VPS13C: variants seen among roughly 807,000 people sequenced by gnomAD.
The protein encoded by VPS13C is vacuolar protein sorting 13 homolog C.
Under a neutral mutation model 456.8 loss-of-function variants are expected in VPS13C, and 358 were observed. That is an observed-to-expected ratio of 0.78 (90% CI 0.72 to 0.86). The LOEUF (loss-of-function observed/expected upper bound fraction) is 0.86, where lower values mean the gene tolerates loss of function less well. Ranked by LOEUF, VPS13C falls within the 40% of genes least tolerant of loss-of-function variation. The pLI, the probability that VPS13C is intolerant of heterozygous loss-of-function variation, is 0.00. For missense variants in VPS13C, 4,818 were observed against 4,385.4 expected (o/e 1.10, Z -2.79); for synonymous variants, 1,578 against 1,486.7 (o/e 1.06, Z -1.41).
intron 66 of VPS13C, among the ~76,000 whole-genome samples, chr15:61,896,557 G>A (rs1371465946): frequency 3.3e-5 from 5 of 152,206 alleles, no homozygotes; most frequent in East Asian, 1.9e-4. Flanking sequence ...CTTAAAAAAC[G>A]GCGCACCACG....
Position 61,915,964 on chromosome 15 carries a change from C to G in VPS13C, c.8114G>C (p.Arg2705Thr), listed in dbSNP as rs745323325. The G allele has an allele frequency of 1.2e-6, 2 of 1,613,406 alleles. No homozygotes were observed. The highest frequency in any genetic ancestry group is 8.5e-7 in the Non-Finnish European group (1 of 1,179,562). Residue 2705 changes from arginine to threonine, a missense_variant, in exon 61 of 85, where the codon AGA becomes ACA. Arg to Thr is a moderately conservative substitution (Grantham distance 71). Around this residue, in one of 3 missense-constraint regions of VPS13C, gnomAD observed 4,552 missense variants for 4,130.6 expected, o/e 1.10. Transcript: ENST00000644861. ...TAATTCCATTATTTCACCACTGATTCTCGAATGCAGAACATCAGCAGTACT... is the reference window on the plus strand; with the variant it reads ...TAATTCCATTATTTCACCACTGATTGTCGAATGCAGAACATCAGCAGTACT... ...EGSTADVLHS[R>T]ISGEIMELVL... is the part of the protein sequence containing the mutation.
At chr15:61,985,136 C>A in intron 18 of VPS13C, 137 bp from the exon 19 acceptor site, 1 of 603,740 alleles carries the variant, frequency 1.7e-6, no homozygotes, top group Non-Finnish European at 2.5e-6. Flanking sequence ...TCCACATGCT[C>A]ACCATAAAGG....
chr15:61,904,305 T>TAA (rs35637854), intron 66 of VPS13C, among the ~76,000 whole-genome samples: 3,185 of 145,316 alleles, frequency 0.022, 110 homozygotes, highest in African/African-American at 0.075. Context: ...TTGAATTCCT[T>TAA]AAAAAAAAAA....
At chr15:61,907,441 C>T in intron 65 of VPS13C, 51 bp from the exon 66 acceptor site, 5 of 1,592,632 alleles carry the variant, frequency 3.1e-6, no homozygotes, top group Non-Finnish European at 3.4e-6. Flanking sequence ...AGATAAGAAA[C>T]CCAAACCTGT....
intron 28 of VPS13C, 76 bp from the exon 29 acceptor site, chr15:61,967,523 A>T (rs1469736801): frequency 8.4e-7 from 1 of 1,189,610 alleles, no homozygotes; most frequent in African/African-American, 1.6e-5. Context: ...TTAGATTTTT[A>T]AAAATTTGTT....
rs1477192271 is a variant in VPS13C at position 61,911,937 on chromosome 15, G to A, written c.8618C>T (p.Thr2873Ile). Residue 2873 changes from threonine (T) to isoleucine (I), a missense_variant, in exon 63 of 85, where the codon ACC (threonine) becomes ATC (isoleucine). Physicochemically the swap from Thr to Ile is moderately conservative, Grantham distance 89. Coordinates refer to ENST00000644861, the MANE Select transcript of VPS13C (RefSeq NM_020821.3). ...SRIVTLTPFC[T>I]IANKSSLELE... ...TTCTAATGATGACTTGTTTGCAATG[G>A]TACAAAAGGGAGTCAGGGTAACTAT... 7.4e-6 allele frequency: 12 copies of A among 1,612,542 alleles called. No individual in the cohort carries two copies. The highest frequency in any genetic ancestry group is 2.7e-5 in the African/African-American group (2 of 74,876).
At chr15:62,041,914 T>G (rs755287214) in intron 2 of VPS13C, among the ~76,000 whole-genome samples, 1 of 152,074 alleles carries the variant, frequency 6.6e-6, no homozygotes, top group African/African-American at 2.4e-5. Context: ...AGTTTGTAAA[T>G]AGCCAGGTAA....
chr15:62,000,379 A>G (rs1281052893), intron 16 of VPS13C, among the ~76,000 whole-genome samples, 185 bp downstream of exon 16: 1 of 152,076 alleles, frequency 6.6e-6, no homozygotes, highest in African/African-American at 2.4e-5. Context: ...AAAAATAATA[A>G]TAAAAATAAG....
chr15:61,947,063 T>C, intron 43 of VPS13C, 130 bp downstream of exon 43: 2 of 592,516 alleles, frequency 3.4e-6, no homozygotes, highest in Non-Finnish European at 5.8e-6. Context: ...AGCACATCTT[T>C]GAAAAGTTTG....
At chr15:61,972,504 G>A (rs1186623977) in intron 27 of VPS13C, 121 bp downstream of exon 27, 1 of 981,196 alleles carries the variant, frequency 1.0e-6, no homozygotes, top group Non-Finnish European at 1.5e-6. Context: ...ATGTGTGTTG[G>A]GCAGCAGGAA....
rs1271337986 is a variant in VPS13C at position 61,898,523 on chromosome 15, C to T, written c.9106-8123G>A. On this transcript the variant is annotated intron_variant, in intron 66 of 84. Transcript: ENST00000644861. Reference sequence around the variant, plus strand: ...GACAAAGAAGGCCATTACATAATGGCAAAGGGATCAATTCAACAAGAAGAG... The same window carrying T: ...GACAAAGAAGGCCATTACATAATGGTAAAGGGATCAATTCAACAAGAAGAG... Among the ~76,000 whole-genome samples, 13 of 152,044 alleles carry T rather than the reference C, an allele frequency of 8.6e-5. No homozygotes were observed. The East Asian group carries it at 9.7e-4, about 11-fold the overall frequency.
intron 6 of VPS13C, among the ~76,000 whole-genome samples, chr15:62,026,509 C>T (rs1427798938): frequency 6.6e-6 from 1 of 152,050 alleles, no homozygotes; most frequent in East Asian, 1.9e-4. Flanking sequence ...AATTTTATCA[C>T]TGACAACAAA....
intron 24 of VPS13C, among the ~76,000 whole-genome samples, chr15:61,976,535 G>C (rs1301614114): frequency 1.3e-5 from 2 of 151,962 alleles, no homozygotes; most frequent in Non-Finnish European, 2.9e-5. Context: ...GGGGAACAAG[G>C]ACACTTTTGG....
rs373285625 is a variant in VPS13C, at chr15:61,991,695, G to A, written c.1461C>T (p.Asp487=). Residue 487 remains aspartate (D), a synonymous_variant, in exon 17 of 85, where the codon GAC becomes GAT. Coordinates refer to ENST00000644861, the MANE Select transcript of VPS13C (RefSeq NM_020821.3). ...LWGKKESKKK[D]EESLIPETID... ...TACTTTCAGGAATCAATGATTCTTC[G>A]TCCTTTTTCTTAGACTCTTTCTTAC... 9 of 1,610,628 alleles carry A rather than the reference G, an allele frequency of 5.6e-6. No individual in the cohort carries two copies. The highest frequency in any genetic ancestry group is 4.5e-5 in the East Asian group (2 of 44,800).
intron 10 of VPS13C, among the ~76,000 whole-genome samples, chr15:62,013,559 T>C (rs946395648): frequency 3.3e-5 from 5 of 152,050 alleles, no homozygotes; most frequent in Admixed American, 6.6e-5. Flanking sequence ...TTTGTTAACA[T>C]ATCTAAAGCT....
chr15:61,935,449 C>T (rs1478480248), intron 48 of VPS13C: 1 of 152,202 alleles, frequency 6.6e-6, no homozygotes, highest in Non-Finnish European at 1.5e-5. Flanking sequence ...TAATTTTCAT[C>T]ATCTTTGCAG....
In VPS13C at chr15:61,890,435, T is replaced by G. The variant is rs745875284; in HGVS notation, c.9106-35A>C. The stretch of plus-strand genomic sequence containing the variant: ...AGAAAGACTTCATTAAACCCACACA[T>G]AGTAACTTGTTATTATATAAAATTG... On this transcript the variant is annotated intron_variant, in intron 66 of 84. Transcript: ENST00000644861. 13 of 1,553,182 alleles carry G rather than the reference T, an allele frequency of 8.4e-6. No individual in the cohort carries two copies. The East Asian group carries it at 1.8e-4, about 22-fold the overall frequency.
intron 77 of VPS13C, among the ~76,000 whole-genome samples, chr15:61,873,961 C>T (rs1330617331): frequency 6.6e-6 from 1 of 150,398 alleles, no homozygotes; most frequent in Non-Finnish European, 1.5e-5. Context: ...AAATGTGATA[C>T]ACACACACAC....
At chr15:61,951,144 G>A in intron 39 of VPS13C, 120 bp from the exon 40 acceptor site, 1 of 581,744 alleles carries the variant, frequency 1.7e-6, no homozygotes, top group East Asian at 2.9e-5. Context: ...ACACTAAAAA[G>A]AGTGAAGTAT....
Sources: gnomAD v4.1 joint callset for allele counts (sites outside exome capture counted in the v4.1 genomes callset) on GRCh38, gnomAD v4.1.1 for gene constraint, gnomAD v4.1.1 regional missense constraint, MANE v1.5 for transcripts, NCBI Gene and HGNC (gene_info 2026-07-23, HGNC 2026-07-21) for gene names.